WWOX: variants seen among roughly 807,000 people sequenced by gnomAD.
The protein encoded by WWOX is WW domain containing oxidoreductase.
WWOX carries 69 observed loss-of-function variants against 46.2 expected under a neutral mutation model. The observed-to-expected ratio is 1.49, with a 90% confidence interval of 1.23 to 1.82. The LOEUF (loss-of-function observed/expected upper bound fraction) is 1.82, where lower values mean the gene tolerates loss of function less well. Among genes scored for constraint, WWOX ranks in the 40% most tolerant of loss-of-function variants. The pLI is 0.00. For missense variants in WWOX, 919 were observed against 542.6 expected (o/e 1.69, Z -6.89); for synonymous variants, 359 against 202.6 (o/e 1.77, Z -6.56).
intron 8 of WWOX, among the ~76,000 whole-genome samples, chr16:79,175,495 A>G (rs1389934072): frequency 6.6e-6 from 1 of 152,148 alleles, no homozygotes; most frequent in African/African-American, 2.4e-5. Context: ...TGTGTCTGTG[A>G]TTAGCTCCGT....
At chr16:78,374,250 C>T (rs757930162) in intron 5 of WWOX, among the ~76,000 whole-genome samples, 6 of 152,130 alleles carry the variant, frequency 3.9e-5, no homozygotes, top group African/African-American at 7.2e-5. Flanking sequence ...GAAAGTCTTA[C>T]GTACATGTTT....
chr16:78,953,499 C>T (rs913855741), intron 8 of WWOX, among the ~76,000 whole-genome samples: 1 of 152,150 alleles, frequency 6.6e-6, no homozygotes, highest in Non-Finnish European at 1.5e-5. Context: ...TGATTTATGG[C>T]TACATAATGT....
chr16:78,433,287 A>G (rs1374860187), intron 8 of WWOX, among the ~76,000 whole-genome samples: 1 of 152,150 alleles, frequency 6.6e-6, no homozygotes, highest in African/African-American at 2.4e-5. Context: ...TACTTTCCCA[A>G]AGACAATTTT....
intron 8 of WWOX, among the ~76,000 whole-genome samples, chr16:78,709,393 C>T (rs1395559816): frequency 6.6e-6 from 1 of 152,224 alleles, no homozygotes; most frequent in Non-Finnish European, 1.5e-5. Context: ...TTCCGGTTCA[C>T]AGGGCCTGGG....
chr16:78,709,325 C>A (rs978228366), intron 8 of WWOX, among the ~76,000 whole-genome samples: 12 of 152,188 alleles, frequency 7.9e-5, no homozygotes, highest in Admixed American at 1.3e-4. Context: ...ACGTAGTGAT[C>A]ACAGAGAGAA....
chr16:78,511,659 G>A (rs1350114236), intron 8 of WWOX, among the ~76,000 whole-genome samples: 2 of 152,170 alleles, frequency 1.3e-5, no homozygotes, highest in Non-Finnish European at 1.5e-5. Context: ...TAGGAGCTAA[G>A]TGTCAATATC....
chr16:79,000,583 C>T lies in WWOX; in HGVS notation c.1057-211025C>T, dbSNP rs1188242347. ...TCCAGGAGCCAAGGAATTCAGGCAG[C>T]GTCTAGAAGCCAGAAGAGGCAAGGA... On this transcript the variant is annotated intron_variant, in intron 8 of 8. Coordinates refer to ENST00000566780, the MANE Select transcript of WWOX (RefSeq NM_016373.4). Among the ~76,000 whole-genome samples, 7 of 152,228 alleles carry T rather than the reference C, an allele frequency of 4.6e-5. No homozygotes were observed. The South Asian group carries it at 6.2e-4, about 14-fold the overall frequency.
At chr16:78,593,804 A>G (rs1175370481) in intron 8 of WWOX, among the ~76,000 whole-genome samples, 2 of 152,202 alleles carry the variant, frequency 1.3e-5, no homozygotes, top group Non-Finnish European at 2.9e-5. Context: ...AAACAAAGAT[A>G]GAGCTAGCAT....
At chr16:78,562,365 C>T (rs376204856) in intron 8 of WWOX, among the ~76,000 whole-genome samples, 7 of 152,180 alleles carry the variant, frequency 4.6e-5, no homozygotes, top group Non-Finnish European at 8.8e-5. Flanking sequence ...TGTTACTATA[C>T]GATCTAGTGT....
chr16:78,881,157 C>T (rs4888871), intron 8 of WWOX, among the ~76,000 whole-genome samples: 76,417 of 151,568 alleles, frequency 0.5, 19,384 homozygotes, highest in Middle Eastern at 0.6. Context: ...CATGCCTGCC[C>T]AATTTTTGTT....
At position 78,937,448 on chromosome 16, in the gene WWOX, C is replaced by CT. The variant is rs537642648; in HGVS notation, c.1057-274134dup. Among the ~76,000 whole-genome samples the CT allele has an allele frequency of 4.5e-3, 366 of 81,976 alleles. 24 individuals are homozygous for CT. Among genetic ancestry groups the CT allele is most frequent in the East Asian group, 0.022 (60 of 2,674 alleles). 53.8% of individuals were successfully genotyped at this position (81,976 alleles called of 152,430 possible). On this transcript the variant is annotated intron_variant, in intron 8 of 8. Coordinates refer to ENST00000566780, the MANE Select transcript of WWOX (RefSeq NM_016373.4). ...TTAGAGAACTTTGTATTTGTATTAACTTTTTTTTTTTTTTTTTTTTTTTTT... is the reference window on the plus strand; with the variant it reads ...TTAGAGAACTTTGTATTTGTATTAACTTTTTTTTTTTTTTTTTTTTTTTTTT...
chr16:78,155,276 GGGAA>G (rs1315664046), intron 4 of WWOX, among the ~76,000 whole-genome samples: 1 of 151,504 alleles, frequency 6.6e-6, no homozygotes, highest in Non-Finnish European at 1.5e-5. Context: ...GGAAGGGAAA[GGGAA>G]GGAAGGAAGG....
rs1210669019 is a variant in WWOX, at chr16:78,406,332, A to T, written c.606-18538A>T. On this transcript the variant is annotated intron_variant, in intron 6 of 8. Transcript: ENST00000566780. ...TATATATATATATATATATATATAT[A>T]TATATATATATATATATATATATTT... Among the ~76,000 whole-genome samples the T allele has an allele frequency of 1.1e-4, 10 of 87,936 alleles. 1 individual carries two copies. In the African/African-American group the frequency reaches 1.4e-3, roughly 12 times the overall value. 57.7% of individuals were successfully genotyped at this position (87,936 alleles called of 152,430 possible). A position where few individuals can be genotyped will look rare whatever the true frequency, so the allele number is the denominator to read the frequency against.
At chr16:78,205,617 C>T (rs1042352510) in intron 5 of WWOX, among the ~76,000 whole-genome samples, 1 of 151,980 alleles carries the variant, frequency 6.6e-6, no homozygotes, top group African/African-American at 2.4e-5. Flanking sequence ...TTCCATCTGC[C>T]TTTCCAATTA....
intron 8 of WWOX, among the ~76,000 whole-genome samples, chr16:78,773,032 C>A (rs2142526164): frequency 1.3e-5 from 2 of 152,020 alleles, no homozygotes; most frequent in East Asian, 3.9e-4. Context: ...GACCTTGTCT[C>A]CAAAGCAAAA....
intron 8 of WWOX, among the ~76,000 whole-genome samples, chr16:79,095,546 C>T (rs1220656381): frequency 1.3e-5 from 2 of 152,064 alleles, no homozygotes; most frequent in African/African-American, 2.4e-5. Flanking sequence ...GGGTGAGGCG[C>T]GGGGGAGCTG....
intron 8 of WWOX, among the ~76,000 whole-genome samples, chr16:79,054,954 A>G (rs1298024066): frequency 6.6e-6 from 1 of 152,224 alleles, no homozygotes; most frequent in Non-Finnish European, 1.5e-5. Flanking sequence ...GATTTTCTGT[A>G]TTTTGAGAGT....
intron 8 of WWOX, among the ~76,000 whole-genome samples, chr16:78,920,306 G>A (rs1461591149): frequency 6.6e-6 from 1 of 152,322 alleles, no homozygotes; most frequent in East Asian, 1.9e-4. Context: ...GCAGGGATGT[G>A]TAATCTCCCC....
At chr16:78,716,780 G>A (rs907041738) in intron 8 of WWOX, among the ~76,000 whole-genome samples, 6 of 152,084 alleles carry the variant, frequency 3.9e-5, no homozygotes, top group Non-Finnish European at 8.8e-5. Flanking sequence ...TTATAGTCCT[G>A]GAGAAACGTG....
Sources: gnomAD v4.1 joint callset for allele counts (sites outside exome capture counted in the v4.1 genomes callset) on GRCh38, gnomAD v4.1.1 for gene constraint, MANE v1.5 for transcripts, NCBI Gene and HGNC (gene_info 2026-07-23, HGNC 2026-07-21) for gene names.